AHRR: variants seen among roughly 807,000 people sequenced by gnomAD.
AHRR encodes the protein aryl hydrocarbon receptor repressor, also known as ahR repressor.
Under a neutral mutation model 44.0 loss-of-function variants are expected in AHRR, and 28 were observed. That is an observed-to-expected ratio of 0.64 (90% CI 0.47 to 0.87). The LOEUF (loss-of-function observed/expected upper bound fraction) is 0.87. Among genes scored for constraint, AHRR ranks in the 40% least tolerant of loss-of-function variants. The pLI is 0.00. For missense variants in AHRR, 990 were observed against 953.9 expected (o/e 1.04, Z -0.50); for synonymous variants, 434 against 407.0 (o/e 1.07, Z -0.80).
intron 5 of AHRR, among the ~76,000 whole-genome samples, chr5:422,063 G>A (rs11742144): frequency 0.26 from 39,975 of 152,158 alleles, 6,842 homozygotes; most frequent in Non-Finnish European, 0.39. Context: ...GTTAGGAGAA[G>A]GGAGAGGACG....
chr5:325,388 G>C (rs61079948), intron 1 of AHRR, among the ~76,000 whole-genome samples: 9,576 of 152,292 alleles, frequency 0.063, 398 homozygotes, highest in African/African-American at 0.11. Context: ...AACCGTCTCT[G>C]GCCTGTTCTC....
intron 4 of AHRR, among the ~76,000 whole-genome samples, chr5:401,729 C>T (rs560574261): frequency 1.2e-4 from 18 of 152,316 alleles, no homozygotes; most frequent in Non-Finnish European, 1.0e-4. Flanking sequence ...CACCGTTTCT[C>T]CCAGGTAGGG....
intron 4 of AHRR, among the ~76,000 whole-genome samples, chr5:393,277 A>T (rs1443805369): frequency 6.6e-6 from 1 of 152,152 alleles, no homozygotes; most frequent in African/African-American, 2.4e-5. Context: ...ACTGTGTCTG[A>T]AGCTTAATCC....
At chr5:415,640 T>A (rs1735754176) in intron 5 of AHRR, among the ~76,000 whole-genome samples, 1 of 146,364 alleles carries the variant, frequency 6.8e-6, no homozygotes, top group Admixed American at 7.1e-5. Flanking sequence ...CGAATCTGCC[T>A]GGTGGGGCGG....
At chr5:324,005 C>CTCTT (rs1553975166) in intron 1 of AHRR, among the ~76,000 whole-genome samples, 7 of 116,172 alleles carry the variant, frequency 6.0e-5, no homozygotes, top group South Asian at 2.9e-4. Context: ...TTCTTTTTTT[C>CTCTT]TCTTTCTTTC....
At chr5:327,655 C>T (rs745377245) in intron 1 of AHRR, among the ~76,000 whole-genome samples, 3 of 152,120 alleles carry the variant, frequency 2.0e-5, no homozygotes, top group Non-Finnish European at 2.9e-5. Context: ...CATCTCTTTG[C>T]GATTGTGAAT....
At position 435,005 on chromosome 5, in the gene AHRR, T is replaced by C. The variant is rs765903975; in HGVS notation, c.*171T>C. 4.4e-5 allele frequency: 42 copies of C among 960,134 alleles called. No individual in the cohort carries two copies. Among genetic ancestry groups the C allele is most frequent in the Non-Finnish European group, 5.3e-5 (36 of 673,506 alleles). 59.5% of individuals were successfully genotyped at this position (960,134 alleles called of 1,614,324 possible). On this transcript the variant is annotated 3_prime_UTR_variant, in exon 11 of 11. Transcript: ENST00000684583. Reference sequence around the variant, plus strand: ...GTGCAGCATACGCAGGAGCCTATCCTGAATTTTGTAAAATATCCCAACAGT... The same window carrying C: ...GTGCAGCATACGCAGGAGCCTATCCCGAATTTTGTAAAATATCCCAACAGT...
intron 2 of AHRR, among the ~76,000 whole-genome samples, chr5:346,992 G>A (rs1186694735): frequency 6.6e-6 from 1 of 152,208 alleles, no homozygotes; most frequent in Non-Finnish European, 1.5e-5. Context: ...CCTAGATGTG[G>A]AATTGCTCAG....
At position 399,116 on chromosome 5, in the gene AHRR, T is replaced by G. The variant is rs571339997; in HGVS notation, c.352-14228T>G. ...GCAGCTGGGTCAGCGCGGAGCTCCC[T>G]CGGGCTCTCCTGGGTGTGGAGCCGC... On this transcript the variant is annotated intron_variant, in intron 4 of 10. Transcript: ENST00000684583. Among the ~76,000 whole-genome samples the G allele has an allele frequency of 4.6e-5, 7 of 152,350 alleles. No homozygotes were observed. The East Asian group carries it at 1.2e-3, about 25-fold the overall frequency.
chr5:423,499 A>C (rs899189644), intron 6 of AHRR, among the ~76,000 whole-genome samples: 1 of 152,206 alleles, frequency 6.6e-6, no homozygotes. Context: ...AGAAGCCTGA[A>C]ATAATTCACG....
Position 434,339 on chromosome 5 carries a change from C to T in AHRR, c.1599C>T (p.Ile533=). The T allele has an allele frequency of 1.2e-6, 2 of 1,612,734 alleles. No individual in the cohort carries two copies. Among genetic ancestry groups the T allele is most frequent in the South Asian group, 1.1e-5 (1 of 90,940 alleles). The part of the protein sequence containing the change: ...CGPTLLLDVS[I]KMEKDSGCEG... ...CGACGCTGCTGCTAGATGTGTCCAT[C>T]AAGATGGAGAAGGACTCTGGGTGTG... Residue 533 remains isoleucine, a synonymous_variant, in exon 11 of 11, where the codon ATC becomes ATT. Coordinates refer to ENST00000684583, the MANE Select transcript of AHRR (RefSeq NM_001377236.1).
At chr5:381,390 T>A (rs1299637568) in intron 4 of AHRR, among the ~76,000 whole-genome samples, 2 of 152,150 alleles carry the variant, frequency 1.3e-5, no homozygotes, top group African/African-American at 4.8e-5. Flanking sequence ...TTATTGCACT[T>A]CTAGGATGTC....
chr5:426,742 G>A (rs539958157), intron 7 of AHRR, among the ~76,000 whole-genome samples: 1 of 150,924 alleles, frequency 6.6e-6, no homozygotes, highest in African/African-American at 2.4e-5. Context: ...TGGATGGATG[G>A]ATGGATGGGA....
chr5:395,692 C>A lies in AHRR; in HGVS notation c.352-17652C>A, dbSNP rs1734673661. On this transcript the variant is annotated intron_variant, in intron 4 of 10. Transcript: ENST00000684583. The surrounding 1 kb of genome is among the most constrained non-coding windows in gnomAD (Gnocchi z 5.3). ...TTCTGGAAAATTCCTGAGAAGTCCC[C>A]AGGAACCAAAGTGTCCAGCAGTTGA... Among the ~76,000 whole-genome samples, 1 of 152,220 alleles carries A rather than the reference C, an allele frequency of 6.6e-6. No individual in the cohort carries two copies. The highest frequency in any genetic ancestry group is 1.9e-4 in the East Asian group (1 of 5,196).
At chr5:421,276 G>A (rs935376668) in intron 5 of AHRR, 2 of 698,626 alleles carry the variant, frequency 2.9e-6, no homozygotes, top group Non-Finnish European at 5.2e-6. Context: ...GTGCAGGCAC[G>A]GAACGGGCGA....
chr5:392,761 G>A (rs965859247), intron 4 of AHRR, among the ~76,000 whole-genome samples: 1 of 152,158 alleles, frequency 6.6e-6, no homozygotes, highest in African/African-American at 2.4e-5. Context: ...CTCATTTCAC[G>A]TCGACTCTTC....
At chr5:340,777 A>G (rs1742320905) in intron 1 of AHRR, among the ~76,000 whole-genome samples, 1 of 129,836 alleles carries the variant, frequency 7.7e-6, no homozygotes, top group Admixed American at 8.6e-5. Context: ...GCTCACTGCA[A>G]CCTCTGCCTC....
intron 2 of AHRR, among the ~76,000 whole-genome samples, chr5:345,913 T>C (rs879906209): frequency 2.6e-5 from 4 of 152,132 alleles, no homozygotes; most frequent in Non-Finnish European, 5.9e-5. Flanking sequence ...AGAGATCCCA[T>C]GTCCCGCAGG....
At chr5:400,094 T>C (rs1579669661) in intron 4 of AHRR, among the ~76,000 whole-genome samples, 1 of 152,188 alleles carries the variant, frequency 6.6e-6, no homozygotes, top group East Asian at 1.9e-4. Flanking sequence ...TCCGTAACCG[T>C]GGCAACGGCT....
Sources: gnomAD v4.1 joint callset for allele counts (sites outside exome capture counted in the v4.1 genomes callset) on GRCh38, gnomAD v4.1.1 for gene constraint, Gnocchi (gnomAD v3.1) non-coding constraint, MANE v1.5 for transcripts, NCBI Gene and HGNC (gene_info 2026-07-23, HGNC 2026-07-21) for gene names.